The following MMP16 variants were observed in gnomAD, a reference collection of about 807,000 sequenced individuals.
MMP16 encodes matrix metallopeptidase 16, also known as matrix metalloproteinase-16.
In MMP16, 12 loss-of-function variants were observed where a neutral mutation model predicts 67.8. That is an observed-to-expected ratio of 0.18 (90% CI 0.11 to 0.29). MMP16 has a LOEUF of 0.29. MMP16 is among the 10% of genes least tolerant of loss of function. The pLI, the probability that MMP16 is intolerant of heterozygous loss-of-function variation, is 1.00. For synonymous variants in MMP16, 249 were observed against 255.9 expected (o/e 0.97, Z 0.26); for missense variants, 475 against 765.7 (o/e 0.62, Z 4.48).
Position 88,132,869 on chromosome 8 carries a change from C to T in MMP16, c.710-14008G>A, listed in dbSNP as rs537670016. ...TGAATGCTACCACTTGAAGCAATTT[C>T]TGGGTTTTAGATATTGTACTAGGTG... On this transcript the variant is annotated intron_variant, in intron 4 of 9. Transcript: ENST00000286614. Among the ~76,000 whole-genome samples, 5 of 151,964 alleles carry T rather than the reference C, an allele frequency of 3.3e-5. 1 individual carries two copies. In the Middle Eastern group the frequency reaches 0.017, roughly 517 times the overall value.
At chr8:88,087,450 G>A (rs74796477) in intron 6 of MMP16, among the ~76,000 whole-genome samples, 1 of 151,878 alleles carries the variant, frequency 6.6e-6, no homozygotes, top group African/African-American at 2.4e-5. Context: ...GCATAGGCAT[G>A]CTGAGTAGGG....
intron 1 of MMP16, among the ~76,000 whole-genome samples, chr8:88,233,302 C>G (rs761383292): frequency 7.2e-5 from 11 of 152,114 alleles, no homozygotes; most frequent in Non-Finnish European, 1.5e-4. Context: ...AGTCCTTTCA[C>G]TTTATAGCCC....
intron 6 of MMP16, among the ~76,000 whole-genome samples, chr8:88,101,735 A>C (rs1809148542): frequency 6.6e-6 from 1 of 151,924 alleles, no homozygotes; most frequent in Non-Finnish European, 1.5e-5. Flanking sequence ...GATTAAGAAT[A>C]TGATGTACCA....
At chr8:88,090,523 G>C (rs964679532) in intron 6 of MMP16, among the ~76,000 whole-genome samples, 2 of 151,854 alleles carry the variant, frequency 1.3e-5, no homozygotes, top group Non-Finnish European at 2.9e-5. Context: ...GGAAAACTGA[G>C]TCAGTGAGTT....
chr8:88,274,744 CAATT>C (rs1307324055), intron 1 of MMP16, among the ~76,000 whole-genome samples: 4 of 151,792 alleles, frequency 2.6e-5, no homozygotes, highest in East Asian at 3.9e-4. Context: ...GAAAGGAAAA[CAATT>C]AATATTTGTT....
chr8:88,296,952 A>G (rs1238810966), intron 1 of MMP16, among the ~76,000 whole-genome samples: 1 of 152,066 alleles, frequency 6.6e-6, no homozygotes, highest in Non-Finnish European at 1.5e-5. Context: ...AATAAAAAAA[A>G]GCAAATTCAA....
rs149052301 is a variant in MMP16, at chr8:88,229,596, T to G, written c.133-32290A>C. Among the ~76,000 whole-genome samples, 223 of 152,176 alleles carry G rather than the reference T, an allele frequency of 1.5e-3. 2 individuals carry two copies. Among genetic ancestry groups the G allele is most frequent in the East Asian group, 1.9e-3 (10 of 5,164 alleles). On this transcript the variant is annotated intron_variant, in intron 1 of 9. Coordinates refer to ENST00000286614, the MANE Select transcript of MMP16 (RefSeq NM_005941.5). ...AAGAACAACAGGGACAAAGCAATAT[T>G]TTAGTGGCATTTATCTGTACAAAAT...
rs1425146606 is a variant in MMP16, at chr8:88,137,209, A to G, written c.710-18348T>C. On this transcript the variant is annotated intron_variant, in intron 4 of 9. Transcript: ENST00000286614. ...TCGTTGAAGTCTTTTATCTATTTTC[A>G]TATTGGGTTACCTATTTCTTTTTGC... Among the ~76,000 whole-genome samples, 31 of 151,650 alleles carry G rather than the reference A, an allele frequency of 2.0e-4. 1 individual carries two copies. Among genetic ancestry groups the G allele is most frequent in the Admixed American group, 1.9e-3 (29 of 15,168 alleles).
intron 9 of MMP16, among the ~76,000 whole-genome samples, chr8:88,043,034 A>AT (rs1273181954): frequency 1.3e-5 from 2 of 152,144 alleles, no homozygotes; most frequent in African/African-American, 2.4e-5. Flanking sequence ...TGAAGGTAAT[A>AT]TTTTTTCCTG....
chr8:88,238,684 A>G (rs1809985307), intron 1 of MMP16, among the ~76,000 whole-genome samples: 1 of 151,470 alleles, frequency 6.6e-6, no homozygotes, highest in African/African-American at 2.4e-5. Flanking sequence ...AAAAAAAAAA[A>G]AAAAGACGTG....
At chr8:88,048,193 T>C (rs1394179639) in intron 8 of MMP16, among the ~76,000 whole-genome samples, 1 of 152,172 alleles carries the variant, frequency 6.6e-6, no homozygotes, top group East Asian at 1.9e-4. Context: ...AAACTGGGAA[T>C]GTGAGTATAG....
intron 6 of MMP16, among the ~76,000 whole-genome samples, chr8:88,108,643 C>T (rs1809283099): frequency 6.6e-6 from 1 of 151,258 alleles, no homozygotes; most frequent in African/African-American, 2.4e-5. Flanking sequence ...ATAAGACTTA[C>T]AATTACTATC....
intron 1 of MMP16, among the ~76,000 whole-genome samples, chr8:88,281,187 A>G (rs1810729847): frequency 6.6e-6 from 1 of 152,232 alleles, no homozygotes; most frequent in African/African-American, 2.4e-5. Context: ...TTGTAAGAAT[A>G]TTTGAAGGCA....
At chr8:88,119,282 A>C (rs1288974858) in intron 4 of MMP16, among the ~76,000 whole-genome samples, 2 of 152,084 alleles carry the variant, frequency 1.3e-5, no homozygotes, top group African/African-American at 4.8e-5. Flanking sequence ...TACTTTTACA[A>C]AGATGAGTAA....
In MMP16 at chr8:88,060,448, A is replaced by C. The variant is rs181660769; in HGVS notation, c.1223-4170T>G. 1.3e-3 allele frequency among the ~76,000 whole-genome samples: 196 copies of C among 152,212 alleles called. 2 individuals are homozygous for C. Among genetic ancestry groups the C allele is most frequent in the Middle Eastern group, 0.01 (3 of 294 alleles). ...TGCCTCTCTTTTGTTTAAAAATTTC[A>C]GTGGTTTCTTATTGCATTCAGGATA... On this transcript the variant is annotated intron_variant, in intron 7 of 9. Coordinates refer to ENST00000286614, the MANE Select transcript of MMP16 (RefSeq NM_005941.5).
intron 1 of MMP16, among the ~76,000 whole-genome samples, chr8:88,229,529 T>A (rs1015988780): frequency 7.9e-5 from 12 of 152,180 alleles, no homozygotes; most frequent in African/African-American, 2.6e-4. Context: ...TATTATGAGG[T>A]AAGAAATAGT....
In MMP16 at chr8:88,240,371, G is replaced by A. The variant is rs1352850643; in HGVS notation, c.133-43065C>T. Among the ~76,000 whole-genome samples, 4 of 152,140 alleles carry A rather than the reference G, an allele frequency of 2.6e-5. No individual in the cohort carries two copies. In the East Asian group the frequency reaches 7.7e-4, roughly 29 times the overall value. On this transcript the variant is annotated intron_variant, in intron 1 of 9. Transcript: ENST00000286614. Reference sequence around the variant, plus strand: ...CATCAGCAGAGAGGATAGCATGAGTGGTGGCCTTGAGGCAGAAGGAAATTC... The same window carrying A: ...CATCAGCAGAGAGGATAGCATGAGTAGTGGCCTTGAGGCAGAAGGAAATTC...
intron 3 of MMP16, 132 bp downstream of exon 3, chr8:88,186,343 TA>T (rs1809072225): frequency 2.5e-6 from 3 of 1,192,178 alleles, no homozygotes; most frequent in South Asian, 1.7e-5. Flanking sequence ...ATAGCAATTT[TA>T]AATCTCTTAT....
chr8:88,225,853 C>T lies in MMP16; in HGVS notation c.133-28547G>A, dbSNP rs964165246. Reference sequence around the variant, plus strand: ...AGTGTTTTGTCTATTTTGTATGGGACACTGTACCTTATTCTTTCCATTTCT... The same window carrying T: ...AGTGTTTTGTCTATTTTGTATGGGATACTGTACCTTATTCTTTCCATTTCT... On this transcript the variant is annotated intron_variant, in intron 1 of 9. Transcript: ENST00000286614. Among the ~76,000 whole-genome samples, 7 of 152,034 alleles carry T rather than the reference C, an allele frequency of 4.6e-5. No individual in the cohort carries two copies. In the South Asian group the frequency reaches 8.3e-4, roughly 18 times the overall value.
Sources: gnomAD v4.1 joint callset for allele counts (sites outside exome capture counted in the v4.1 genomes callset) on GRCh38, gnomAD v4.1.1 for gene constraint, MANE v1.5 for transcripts, NCBI Gene and HGNC (gene_info 2026-07-23, HGNC 2026-07-21) for gene names.